The following FOXN3 variants were observed in gnomAD, a reference collection of about 807,000 sequenced individuals.
FOXN3 encodes the protein forkhead box N3.
Under a neutral mutation model 38.4 loss-of-function variants are expected in FOXN3, and 7 were observed. The ratio of observed to expected loss-of-function variants is 0.18; its 90% CI spans 0.10 to 0.34. The LOEUF (loss-of-function observed/expected upper bound fraction) is 0.34, where lower values mean the gene tolerates loss of function less well. Ranked by LOEUF, FOXN3 falls within the 10% of genes least tolerant of loss-of-function variation. The pLI, the probability that FOXN3 is intolerant of heterozygous loss-of-function variation, is 1.00. For synonymous variants in FOXN3, 230 were observed against 242.2 expected, an observed-to-expected ratio of 0.95 and a Z score of 0.47; for missense variants, 456 against 613.4, an observed-to-expected ratio of 0.74 and a Z score of 2.71.
intron 4 of FOXN3, among the ~76,000 whole-genome samples, chr14:89,250,264 C>A (rs1013919714): frequency 6.6e-6 from 1 of 152,156 alleles, no homozygotes; most frequent in Admixed American, 6.5e-5. Context: ...GCATACACCA[C>A]CATGCCCAGC....
At chr14:89,362,945 C>G (rs1889933723) in intron 2 of FOXN3, among the ~76,000 whole-genome samples, 1 of 152,118 alleles carries the variant, frequency 6.6e-6, no homozygotes, top group South Asian at 2.1e-4. Context: ...AAAGAGCTAA[C>G]AGCACAGGAG....
chr14:89,271,009 C>CA (rs1234088767), intron 4 of FOXN3, among the ~76,000 whole-genome samples: 1 of 152,026 alleles, frequency 6.6e-6, no homozygotes, highest in African/African-American at 2.4e-5. Flanking sequence ...GGCCTGAGGG[C>CA]AGGGGCCACA....
chr14:89,411,879 A>T (rs902971968), intron 2 of FOXN3, 55 bp downstream of exon 2: 31 of 1,201,612 alleles, frequency 2.6e-5, no homozygotes, highest in East Asian at 2.8e-5. Context: ...ATAGAGAAAA[A>T]TTTTAAATTA....
intron 1 of FOXN3, among the ~76,000 whole-genome samples, chr14:89,563,995 G>A (rs762777014): frequency 7.9e-5 from 12 of 152,032 alleles, no homozygotes; most frequent in East Asian, 1.9e-4. Flanking sequence ...GATTACAGGC[G>A]CCTGCCACCA....
chr14:89,237,913 G>A (rs1216927701), intron 4 of FOXN3, among the ~76,000 whole-genome samples: 1 of 152,140 alleles, frequency 6.6e-6, no homozygotes, highest in Non-Finnish European at 1.5e-5. Flanking sequence ...TGTGCTGTAC[G>A]ATGGCAGAGA....
chr14:89,557,372 G>A (rs1265986074), intron 1 of FOXN3, among the ~76,000 whole-genome samples: 2 of 152,144 alleles, frequency 1.3e-5, no homozygotes, highest in Non-Finnish European at 2.9e-5. Context: ...AGATTGCGCT[G>A]TAGTCTGATG....
chr14:89,347,728 C>A (rs559117912), intron 3 of FOXN3, among the ~76,000 whole-genome samples: 3 of 152,054 alleles, frequency 2.0e-5, no homozygotes, highest in East Asian at 1.9e-4. Context: ...CCGAGGCGGG[C>A]GGATCATGAG....
At chr14:89,597,186 T>A (rs547236049) in intron 1 of FOXN3, among the ~76,000 whole-genome samples, 1 of 152,334 alleles carries the variant, frequency 6.6e-6, no homozygotes, top group East Asian at 1.9e-4. Context: ...AATTTCCAAA[T>A]ATTTTCTACT....
intron 1 of FOXN3, among the ~76,000 whole-genome samples, chr14:89,573,595 G>A (rs528873824): frequency 1.2e-3 from 186 of 152,186 alleles, no homozygotes; most frequent in African/African-American, 3.9e-3. Flanking sequence ...TCCCATCCAC[G>A]GGATGGGAGT....
At chr14:89,483,760 A>G (rs956269130) in intron 1 of FOXN3, among the ~76,000 whole-genome samples, 7 of 152,218 alleles carry the variant, frequency 4.6e-5, no homozygotes, top group African/African-American at 1.7e-4. Flanking sequence ...TCAGCCGGTT[A>G]GTAAGATTAG....
chr14:89,417,891 G>A (rs1891797587), upstream of FOXN3: 3 of 367,924 alleles, frequency 8.2e-6, no homozygotes, highest in South Asian at 3.8e-5. Context: ...TAAAGGCCAC[G>A]CCGGTGGGGC....
intron 3 of FOXN3, among the ~76,000 whole-genome samples, chr14:89,345,911 G>GGCTTCA (rs1888746635): frequency 6.6e-6 from 1 of 152,118 alleles, no homozygotes; most frequent in South Asian, 2.1e-4. Context: ...AAATTAGCAG[G>GGCTTCA]GCTTCATGGT....
chr14:89,563,568 G>A (rs1453917464), intron 1 of FOXN3, among the ~76,000 whole-genome samples: 3 of 152,158 alleles, frequency 2.0e-5, no homozygotes, highest in Non-Finnish European at 2.9e-5. Flanking sequence ...TGTCCAGGCT[G>A]CATCCACAAA....
intron 1 of FOXN3, among the ~76,000 whole-genome samples, chr14:89,604,206 A>AACACACACACACAC (rs58288291): frequency 1.0e-4 from 15 of 146,888 alleles, no homozygotes; most frequent in African/African-American, 3.8e-4. Flanking sequence ...AGCAAAACAA[A>AACACACACACACAC]ACACACACAC....
intron 2 of FOXN3, among the ~76,000 whole-genome samples, chr14:89,394,212 C>CTTTTT (rs35674375): frequency 3.1e-4 from 34 of 109,598 alleles, no homozygotes; most frequent in East Asian, 8.5e-4. Context: ...GATCGACGTT[C>CTTTTT]TTTTTTTTTT....
At chr14:89,507,583 CTTTA>C (rs1374803083) in intron 1 of FOXN3, among the ~76,000 whole-genome samples, 1 of 152,174 alleles carries the variant, frequency 6.6e-6, no homozygotes, top group African/African-American at 2.4e-5. Flanking sequence ...TCAACCCTAA[CTTTA>C]TTTAGGTCAT....
intron 1 of FOXN3, among the ~76,000 whole-genome samples, chr14:89,523,902 A>G (rs1411180309): frequency 6.6e-6 from 1 of 151,950 alleles, no homozygotes; most frequent in Non-Finnish European, 1.5e-5. Context: ...AGGTGGGATT[A>G]CAGGTGTGCG....
chr14:89,498,132 G>C (rs967160669), intron 1 of FOXN3, among the ~76,000 whole-genome samples: 5 of 138,382 alleles, frequency 3.6e-5, no homozygotes, highest in African/African-American at 1.4e-4. Flanking sequence ...TAGGTATTCT[G>C]GATATTTATC....
At chr14:89,306,351 C>T (rs889961979) in intron 3 of FOXN3, among the ~76,000 whole-genome samples, 3 of 150,908 alleles carry the variant, frequency 2.0e-5, no homozygotes, top group Non-Finnish European at 4.4e-5. Context: ...CACACACACA[C>T]ACACTTTGGT....
Sources: allele counts gnomAD v4.1 joint callset (sites outside exome capture counted in the v4.1 genomes callset), GRCh38; gene constraint gnomAD v4.1.1; transcripts MANE v1.5; gene names NCBI Gene and HGNC (gene_info 2026-07-23, HGNC 2026-07-21).